The following SLC9B1 variants were observed in gnomAD, a reference collection of about 807,000 sequenced individuals.
The protein encoded by SLC9B1 is solute carrier family 9 member B1.
SLC9B1 carries 32 observed loss-of-function variants against 51.7 expected under a neutral mutation model. The observed-to-expected ratio is 0.62, with a 90% CI of 0.47 to 0.83. The LOEUF is 0.83. SLC9B1 is among the 40% of genes least tolerant of loss of function. The pLI, the probability that SLC9B1 is intolerant of heterozygous loss-of-function variation, is 0.00. For synonymous variants in SLC9B1, 145 were observed against 212.7 expected, an observed-to-expected ratio of 0.68 and a Z score of 2.77; for missense variants, 406 against 613.2, an observed-to-expected ratio of 0.66 and a Z score of 3.57.
At chr4:103,004,153 A>G (rs1740668287) in intron 1 of SLC9B1, among the ~76,000 whole-genome samples, 1 of 152,178 alleles carries the variant, frequency 6.6e-6, no homozygotes, top group African/African-American at 2.4e-5. Context: ...GACATTCAGG[A>G]GAAAGTTGAA....
intron 3 of SLC9B1, among the ~76,000 whole-genome samples, chr4:102,957,554 T>A (rs1188253012): frequency 6.6e-6 from 1 of 152,148 alleles, no homozygotes; most frequent in Non-Finnish European, 1.5e-5. Flanking sequence ...CAATTAAGAA[T>A]TCGGTATCCA....
At chr4:103,014,113 C>T (rs1741206397) in intron 1 of SLC9B1, among the ~76,000 whole-genome samples, 1 of 152,160 alleles carries the variant, frequency 6.6e-6, no homozygotes, top group African/African-American at 2.4e-5. Flanking sequence ...TTGAATAAGG[C>T]TCTAACCTTG....
chr4:102,967,542 A>G (rs1017494047), intron 3 of SLC9B1, among the ~76,000 whole-genome samples: 7 of 152,330 alleles, frequency 4.6e-5, no homozygotes, highest in Admixed American at 3.9e-4. Context: ...ACAAGGTCAA[A>G]GGGGAGTAGG....
chr4:102,977,158 GA>G (rs1409813134), intron 3 of SLC9B1, among the ~76,000 whole-genome samples: 2 of 146,524 alleles, frequency 1.4e-5, no homozygotes, highest in Non-Finnish European at 3.0e-5. Flanking sequence ...TCCAAAAAAA[GA>G]AAAAAAAAGA....
intron 7 of SLC9B1, among the ~76,000 whole-genome samples, chr4:102,930,366 T>G (rs1290184682): frequency 6.6e-6 from 1 of 152,194 alleles, no homozygotes; most frequent in East Asian, 1.9e-4. Flanking sequence ...TAAGAAAATA[T>G]GAAGAATAGG....
chr4:102,931,515 T>TA (rs1736458070), intron 7 of SLC9B1, among the ~76,000 whole-genome samples: 1 of 152,196 alleles, frequency 6.6e-6, no homozygotes, highest in Non-Finnish European at 1.5e-5. Context: ...CTTTTCAACT[T>TA]AAAAATATTT....
At chr4:103,008,138 A>G (rs1362887059) in intron 1 of SLC9B1, among the ~76,000 whole-genome samples, 1 of 152,238 alleles carries the variant, frequency 6.6e-6, no homozygotes, top group African/African-American at 2.4e-5. Context: ...ATATAAGTAC[A>G]TACATAAACA....
chr4:102,937,860 A>C (rs1395536586), intron 6 of SLC9B1, among the ~76,000 whole-genome samples: 1 of 152,178 alleles, frequency 6.6e-6, no homozygotes, highest in African/African-American at 2.4e-5. Context: ...ATGCCTTACA[A>C]GAGGTCCTTA....
At chr4:103,015,710 C>A (rs141218544) in intron 1 of SLC9B1, among the ~76,000 whole-genome samples, 10 of 152,250 alleles carry the variant, frequency 6.6e-5, no homozygotes, top group African/African-American at 2.4e-4. Flanking sequence ...ACTAATCTTG[C>A]GTCATACCTT....
intron 11 of SLC9B1, among the ~76,000 whole-genome samples, chr4:102,893,449 G>T (rs950982512): frequency 4.6e-5 from 7 of 152,142 alleles, no homozygotes; most frequent in Admixed American, 3.3e-4. Context: ...AATGTTAATA[G>T]ACCAGTTACA....
intron 7 of SLC9B1, among the ~76,000 whole-genome samples, chr4:102,927,575 A>G (rs1477042126): frequency 1.3e-5 from 2 of 152,214 alleles, no homozygotes; most frequent in Non-Finnish European, 2.9e-5. Flanking sequence ...TCAGGAAACA[A>G]CAGATGCTGG....
chr4:102,932,395 T>A, intron 6 of SLC9B1, 96 bp from the exon 7 acceptor site: 1 of 1,133,648 alleles, frequency 8.8e-7, no homozygotes, highest in East Asian at 2.6e-5. Flanking sequence ...TAACAAACAT[T>A]GTTTAGAAGA....
intron 3 of SLC9B1, among the ~76,000 whole-genome samples, chr4:102,955,577 T>C (rs1041695263): frequency 2.6e-5 from 4 of 152,034 alleles, no homozygotes; most frequent in African/African-American, 9.7e-5. Context: ...CAGTTAAATA[T>C]AGCAGAGTGG....
intron 3 of SLC9B1, among the ~76,000 whole-genome samples, chr4:102,972,185 C>CA (rs1047196397): frequency 4.0e-5 from 6 of 151,662 alleles, no homozygotes; most frequent in East Asian, 1.9e-4. Context: ...AGAGACACAA[C>CA]AAAAAAAAGA....
intron 1 of SLC9B1, among the ~76,000 whole-genome samples, chr4:103,005,986 TA>T (rs1394443862): frequency 6.6e-6 from 1 of 151,982 alleles, no homozygotes; most frequent in Non-Finnish European, 1.5e-5. Flanking sequence ...TGCCCCCATA[TA>T]AAAGTTAGAA....
intron 8 of SLC9B1, 21 bp from the exon 9 acceptor site, chr4:102,910,609 A>G (rs776320561): frequency 6.1e-6 from 7 of 1,139,692 alleles, no homozygotes; most frequent in South Asian, 2.4e-5. Flanking sequence ...ATAGATATTT[A>G]GAAATTAGTT....
chr4:102,899,512 C>T (rs1182826409), downstream of SLC9B1, among the ~76,000 whole-genome samples: 1 of 151,826 alleles, frequency 6.6e-6, no homozygotes, highest in Non-Finnish European at 1.5e-5. Context: ...CTCCTGGGTT[C>T]AAGCGATTCT....
intron 11 of SLC9B1, chr4:102,889,374 T>C (rs1477361849): frequency 2.0e-5 from 3 of 152,218 alleles, no homozygotes; most frequent in Non-Finnish European, 4.4e-5. Context: ...CACCAAAATT[T>C]TGGATATCCT....
chr4:102,925,062 C>A lies in SLC9B1; in HGVS notation c.829+7062G>T, dbSNP rs184206827. Among the ~76,000 whole-genome samples the A allele has an allele frequency of 7.8e-4, 118 of 152,230 alleles. 2 individuals carry two copies. Among genetic ancestry groups the A allele is most frequent in the African/African-American group, 2.8e-3 (116 of 41,532 alleles). On this transcript the variant is annotated intron_variant, in intron 7 of 11. Coordinates refer to ENST00000296422, the MANE Select transcript of SLC9B1 (RefSeq NM_139173.4). ...CAGCCATCCCATTACTGGTCATATA[C>A]CCAAAGGATTATGAATCATGCTGCT...
Sources: gnomAD v4.1 joint callset for allele counts (sites outside exome capture counted in the v4.1 genomes callset) on GRCh38, gnomAD v4.1.1 for gene constraint, MANE v1.5 for transcripts, NCBI Gene and HGNC (gene_info 2026-07-23, HGNC 2026-07-21) for gene names.